Variants in KCNH8 observed in about 807,000 individuals in gnomAD.
The protein encoded by KCNH8 is voltage-gated delayed rectifier potassium channel KCNH8.
A neutral mutation model predicts 103.6 loss-of-function variants in KCNH8; 70 were observed. That is an observed-to-expected ratio of 0.68 (90% CI 0.56 to 0.82). KCNH8 has a LOEUF of 0.82. Ranked by LOEUF, KCNH8 falls within the 40% of genes least tolerant of loss-of-function variation. The probability of loss-of-function intolerance (pLI) is 0.00; values close to 1 mark genes in which losing one functional copy is unlikely to be tolerated. For synonymous variants in KCNH8, 498 were observed against 489.4 expected (o/e 1.02, Z -0.23); for missense variants, 1,217 against 1,329.9 (o/e 0.92, Z 1.32).
intron 12 of KCNH8, among the ~76,000 whole-genome samples, chr3:19,512,312 G>T (rs139026833): frequency 6.6e-6 from 1 of 152,148 alleles, no homozygotes; most frequent in Non-Finnish European, 1.5e-5. Flanking sequence ...AGTAGTTACA[G>T]GATGGGTTTT....
chr3:19,180,899 A>T (rs2063446175), intron 1 of KCNH8, among the ~76,000 whole-genome samples: 1 of 152,158 alleles, frequency 6.6e-6, no homozygotes, highest in Admixed American at 6.5e-5. Flanking sequence ...GATCACAGAG[A>T]AAGGATATTG....
At chr3:19,411,599 AC>A (rs1268220169) in intron 7 of KCNH8, among the ~76,000 whole-genome samples, 5 of 152,080 alleles carry the variant, frequency 3.3e-5, no homozygotes, top group African/African-American at 7.2e-5. Flanking sequence ...ATGATTCTAC[AC>A]CTTGAAAACC....
intron 5 of KCNH8, among the ~76,000 whole-genome samples, chr3:19,367,045 TATCCTTTTCTCC>T (rs1398111064): frequency 6.6e-6 from 1 of 151,922 alleles, no homozygotes; most frequent in Admixed American, 6.6e-5. Flanking sequence ...TCCTTATTTC[TATCCTTTTCTCC>T]ATCACCACTT....
At chr3:19,228,299 G>A (rs903726483) in intron 1 of KCNH8, among the ~76,000 whole-genome samples, 2 of 152,116 alleles carry the variant, frequency 1.3e-5, no homozygotes, top group African/African-American at 4.8e-5. Context: ...CAGACTATAT[G>A]GCCTTCAGAG....
chr3:19,458,125 G>A (rs1014839748), intron 11 of KCNH8, among the ~76,000 whole-genome samples: 1 of 152,004 alleles, frequency 6.6e-6, no homozygotes, highest in African/African-American at 2.4e-5. Context: ...GTTAAATCAC[G>A]TGTGTATGTT....
At chr3:19,197,651 A>G (rs1271332196) in intron 1 of KCNH8, among the ~76,000 whole-genome samples, 1 of 151,772 alleles carries the variant, frequency 6.6e-6, no homozygotes, top group Non-Finnish European at 1.5e-5. Flanking sequence ...CAAGTTATCT[A>G]AATTCTCGGT....
chr3:19,518,721 T>A (rs964120699), intron 15 of KCNH8, among the ~76,000 whole-genome samples: 2 of 152,068 alleles, frequency 1.3e-5, no homozygotes, highest in Non-Finnish European at 2.9e-5. Flanking sequence ...AGATCTCTTA[T>A]ACTCATTTTA....
At chr3:19,234,081 T>C (rs1228680049) in intron 1 of KCNH8, among the ~76,000 whole-genome samples, 1 of 152,182 alleles carries the variant, frequency 6.6e-6, no homozygotes, top group Non-Finnish European at 1.5e-5. Context: ...TATTCTCTTA[T>C]CTGGCCCCAC....
At chr3:19,347,595 A>T in intron 4 of KCNH8, 130 bp from the exon 5 acceptor site, 2 of 1,111,326 alleles carry the variant, frequency 1.8e-6, no homozygotes, top group Non-Finnish European at 2.5e-6. Context: ...ACCAACTTTT[A>T]AAAGTCACTT....
chr3:19,218,616 A>G (rs1213011470), intron 1 of KCNH8, among the ~76,000 whole-genome samples: 5 of 152,176 alleles, frequency 3.3e-5, no homozygotes, highest in Non-Finnish European at 7.4e-5. Context: ...CTGATTGCCT[A>G]TTGCATTACT....
intron 3 of KCNH8, among the ~76,000 whole-genome samples, chr3:19,340,303 T>G (rs2065641115): frequency 6.6e-6 from 1 of 151,870 alleles, no homozygotes; most frequent in African/African-American, 2.4e-5. Flanking sequence ...AATGTTTTTG[T>G]ATTTTGCAAT....
intron 3 of KCNH8, among the ~76,000 whole-genome samples, chr3:19,310,702 C>T (rs2065196727): frequency 6.6e-6 from 1 of 151,632 alleles, no homozygotes; most frequent in African/African-American, 2.4e-5. Flanking sequence ...GTGTTACAAT[C>T]TATTTCTTAA....
intron 10 of KCNH8, among the ~76,000 whole-genome samples, chr3:19,453,658 G>A (rs1332521869): frequency 2.6e-5 from 4 of 152,146 alleles, no homozygotes; most frequent in African/African-American, 7.2e-5. Context: ...CACAGCCCTC[G>A]TGAATGGGAT....
Position 19,513,164 on chromosome 3 carries a change from G to A in KCNH8, c.2274G>A (p.Ser758=), listed in dbSNP as rs147438113. The stretch of plus-strand genomic sequence containing the variant: ...GCTTAAGCTTAAAGCAACTGGCCTC[G>A]GGAACGGTGCCCTTTCACTCGCCTA... ...YLGLSLKQLA[S]GTVPFHSPIR... The change falls in exon 13 of 16, where the codon TCG becomes TCA. Residue 758 remains serine, a synonymous_variant. Coordinates refer to ENST00000328405, the MANE Select transcript of KCNH8 (RefSeq NM_144633.3). 2.2e-5 allele frequency: 35 copies of A among 1,613,758 alleles called. 1 individual carries two copies. In the African/African-American group the frequency reaches 2.5e-4, roughly 12 times the overall value.
intron 2 of KCNH8, among the ~76,000 whole-genome samples, chr3:19,267,657 G>A (rs1023694744): frequency 6.6e-6 from 1 of 151,966 alleles, no homozygotes; most frequent in Non-Finnish European, 1.5e-5. Flanking sequence ...ATCTAATCTT[G>A]CCTGTAAGAG....
At chr3:19,198,333 G>C (rs920892820) in intron 1 of KCNH8, among the ~76,000 whole-genome samples, 1 of 152,004 alleles carries the variant, frequency 6.6e-6, no homozygotes. Flanking sequence ...TGGAGGAGTT[G>C]GGTGGTAAAA....
At position 19,418,945 on chromosome 3, in the gene KCNH8, G is replaced by A. The variant is rs964994255; in HGVS notation, c.1178-19219G>A. ...AATGGTGGGAATATTTCCATAACAG[G>A]GTTTTGGCATTTATAAAGAATTTCC... On this transcript the variant is annotated intron_variant, in intron 7 of 15. Coordinates refer to ENST00000328405, the MANE Select transcript of KCNH8 (RefSeq NM_144633.3). Among the ~76,000 whole-genome samples the A allele has an allele frequency of 2.0e-5, 3 of 152,050 alleles. No homozygotes were observed. The South Asian group carries it at 6.2e-4, about 32-fold the overall frequency.
intron 12 of KCNH8, among the ~76,000 whole-genome samples, chr3:19,511,458 G>A (rs2068782056): frequency 6.6e-6 from 1 of 152,142 alleles, no homozygotes; most frequent in African/African-American, 2.4e-5. Flanking sequence ...ACTTGCCAAT[G>A]CAAATGTAAA....
At chr3:19,241,614 C>T (rs986051580) in intron 1 of KCNH8, among the ~76,000 whole-genome samples, 71 of 152,166 alleles carry the variant, frequency 4.7e-4, no homozygotes, top group African/African-American at 1.7e-3. Flanking sequence ...TAGGTGGCTT[C>T]CATGGTGTCA....
Sources: gnomAD v4.1 joint callset for allele counts (sites outside exome capture counted in the v4.1 genomes callset) on GRCh38, gnomAD v4.1.1 for gene constraint, MANE v1.5 for transcripts, NCBI Gene and HGNC (gene_info 2026-07-23, HGNC 2026-07-21) for gene names.